The following LETM1 variants were observed in gnomAD, a reference collection of about 807,000 sequenced individuals.
LETM1 encodes leucine zipper and EF-hand containing transmembrane protein 1, also known as mitochondrial proton/calcium exchanger protein.
A neutral mutation model predicts 74.5 loss-of-function variants in LETM1; 50 were observed. That is an observed-to-expected ratio of 0.67 (90% CI 0.53 to 0.85). The LOEUF (loss-of-function observed/expected upper bound fraction) is 0.85, where lower values mean the gene tolerates loss of function less well. Ranked by LOEUF, LETM1 falls within the 40% of genes least tolerant of loss-of-function variation. The pLI, the probability that LETM1 is intolerant of heterozygous loss-of-function variation, is 0.00. For synonymous variants in LETM1, 446 were observed against 407.1 expected (o/e 1.10, Z -1.15); for missense variants, 824 against 967.8 (o/e 0.85, Z 1.97).
intron 2 of LETM1, among the ~76,000 whole-genome samples, chr4:1,845,392 G>T (rs998510075): frequency 2.0e-5 from 3 of 152,068 alleles, no homozygotes; most frequent in African/African-American, 7.2e-5. Flanking sequence ...GATCACCTGA[G>T]GTCAGGAGTT....
chr4:1,845,332 T>C (rs1712844199), intron 2 of LETM1, among the ~76,000 whole-genome samples: 1 of 150,516 alleles, frequency 6.6e-6, no homozygotes, highest in Admixed American at 6.6e-5. Flanking sequence ...ATCTGGTGAC[T>C]ACAAGGCTCA....
chr4:1,819,263 T>G (rs986435369), intron 11 of LETM1, 75 bp downstream of exon 11: 2 of 1,395,548 alleles, frequency 1.4e-6, no homozygotes, highest in South Asian at 2.7e-5. Flanking sequence ...GGAAGTATTA[T>G]GTATACTTTT....
intron 5 of LETM1, chr4:1,833,819 A>G (rs10019772): frequency 0.094 from 14,265 of 152,312 alleles, 2,080 homozygotes; most frequent in African/African-American, 0.31. Context: ...TCTGAGACAC[A>G]ATTTCAGGTG....
rs143969650 is a variant in LETM1 at position 1,822,261 on chromosome 4, C to T, written c.1528G>A (p.Glu510Lys). Residue 510 changes from glutamate to lysine, a missense_variant, in exon 10 of 14, where the codon GAG becomes AAG. Coordinates refer to ENST00000302787, the MANE Select transcript of LETM1 (RefSeq NM_012318.3). ...VVAAPQRPGT[E>K]PQPEMPDTVL... The stretch of plus-strand genomic sequence containing the variant: ...GTGTCAGGCATTTCTGGCTGTGGCT[C>T]GGTCCCCGGCCTTTGGGGAGCAGCT... The T allele has an allele frequency of 5.6e-5, 87 of 1,545,170 alleles. 1 individual carries two copies. Among genetic ancestry groups the T allele is most frequent in the South Asian group, 3.1e-4 (26 of 82,706 alleles).
intron 11 of LETM1, among the ~76,000 whole-genome samples, chr4:1,818,546 GA>G (rs1711658425): frequency 1.3e-5 from 2 of 151,938 alleles, no homozygotes; most frequent in African/African-American, 4.8e-5. Flanking sequence ...CCAGGAGGCG[GA>G]AGTTGCAGTG....
rs139818766 is a variant in LETM1, at chr4:1,820,178, C to T, written c.1609-706G>A. Among the ~76,000 whole-genome samples, 47 of 152,326 alleles carry T rather than the reference C, an allele frequency of 3.1e-4. No homozygotes were observed. In the East Asian group the frequency reaches 4.6e-3, roughly 15 times the overall value. ...CTCAAACTCCTGGACTCAGACGATCCTCCCACCTCGGCTTCCCACAGTGCT... is the reference window on the plus strand; with the variant it reads ...CTCAAACTCCTGGACTCAGACGATCTTCCCACCTCGGCTTCCCACAGTGCT... On this transcript the variant is annotated intron_variant, in intron 10 of 13. Transcript: ENST00000302787.
At chr4:1,829,907 C>T (rs776378646) in intron 6 of LETM1, among the ~76,000 whole-genome samples, 4 of 152,320 alleles carry the variant, frequency 2.6e-5, no homozygotes, top group East Asian at 1.9e-4. Flanking sequence ...CTCTCACTGC[C>T]TTAAAAACCC....
intron 11 of LETM1, 45 bp downstream of exon 11, chr4:1,819,293 T>C (rs976624112): frequency 1.1e-5 from 18 of 1,568,048 alleles, no homozygotes; most frequent in Middle Eastern, 4.6e-4. Context: ...ACAGCGATTT[T>C]ACTCTTCTTG....
At position 1,814,441 on chromosome 4, in the gene LETM1, C is replaced by T. The variant is rs762737209; in HGVS notation, c.2203G>A (p.Ala735Thr). The change falls in exon 14 of 14, where the codon GCA becomes ACA. Residue 735 changes from alanine to threonine, a missense_variant. By Grantham distance (58) the Ala-to-Thr change is moderately conservative. This residue lies in a region of LETM1 where 161 missense variants were observed against 252.7 expected (regional missense o/e 0.64). Transcript: ENST00000302787. ...CAGTGGTTCTAGCTCTTCACCTCTG[C>T]GACCTCCTTCTCTGCCTTCTCTTTG... ...KAKEKAEKEV[A>T]EVKS 6.2e-6 allele frequency: 10 copies of T among 1,614,216 alleles called. No homozygotes were observed. The highest frequency in any genetic ancestry group is 5.5e-5 in the South Asian group (5 of 91,082).
chr4:1,829,023 G>C (rs1177678503), intron 6 of LETM1, among the ~76,000 whole-genome samples: 2 of 107,534 alleles, frequency 1.9e-5, no homozygotes, highest in Non-Finnish European at 3.7e-5. Context: ...CGGACGGGGC[G>C]GCTGGCCGGG....
intron 7 of LETM1, 27 bp from the exon 8 acceptor site, chr4:1,823,802 T>A (rs779539992): frequency 2.8e-5 from 45 of 1,590,984 alleles, no homozygotes; most frequent in Non-Finnish European, 3.6e-5. Flanking sequence ...GTTCAGCAGA[T>A]GGGCAGCCCC....
At chr4:1,818,308 C>T (rs1362163075) in intron 11 of LETM1, among the ~76,000 whole-genome samples, 1 of 152,170 alleles carries the variant, frequency 6.6e-6, no homozygotes, top group African/African-American at 2.4e-5. Flanking sequence ...GCTATGAAAA[C>T]AGTTTTTAAA....
intron 6 of LETM1, among the ~76,000 whole-genome samples, chr4:1,827,567 T>C (rs1712041950): frequency 8.6e-6 from 1 of 116,608 alleles, no homozygotes; most frequent in African/African-American, 3.5e-5. Context: ...TAACCCTGAG[T>C]GGACACAGCA....
At chr4:1,826,890 T>C (rs1342016595) in intron 6 of LETM1, among the ~76,000 whole-genome samples, 1 of 152,228 alleles carries the variant, frequency 6.6e-6, no homozygotes, top group Non-Finnish European at 1.5e-5. Context: ...CGCAGCTCAC[T>C]GTAGTGCAGT....
chr4:1,826,733 G>C (rs753326720), intron 6 of LETM1, among the ~76,000 whole-genome samples: 1 of 152,264 alleles, frequency 6.6e-6, no homozygotes, highest in Admixed American at 6.5e-5. Flanking sequence ...TCCGCCAGTT[G>C]ATCAGGAATG....
rs746301139 is a variant in LETM1, at chr4:1,819,353, C to A, written c.1728G>T (p.Val576=). 3 of 1,612,504 alleles carry A rather than the reference C, an allele frequency of 1.9e-6. No individual in the cohort carries two copies. In the African/African-American group the frequency reaches 4.0e-5, roughly 22 times the overall value. The change falls in exon 11 of 14, where the codon GTG becomes GTT. Residue 576 remains valine, a synonymous_variant. Coordinates refer to ENST00000302787, the MANE Select transcript of LETM1 (RefSeq NM_012318.3). ...KEELELLKED[V]QDYSEDLQEI... is the part of the protein sequence containing the mutation. ...TCCCACCCACCTCGCTGTAGTCCTG[C>A]ACATCCTCCTTCAGCAGCTCCAGCT...
At position 1,834,705 on chromosome 4, in the gene LETM1, C is replaced by G; in HGVS notation, c.876+140G>C. 1 of 1,498,328 alleles carries G rather than the reference C, an allele frequency of 6.7e-7. No homozygotes were observed. The highest frequency in any genetic ancestry group is 8.9e-7 in the Non-Finnish European group (1 of 1,126,746). 92.8% of individuals were successfully genotyped at this position (1,498,328 alleles called of 1,614,324 possible). On this transcript the variant is annotated intron_variant, in intron 5 of 13. Transcript: ENST00000302787. This position sits in a 1 kb window ranked among gnomAD's most constrained non-coding sequence, Gnocchi z 5.0. ...AGACTCCTGACACTCCACTGGCCCC[C>G]GACTGAGCCTCCTGGGTAAACTTTC...
intron 4 of LETM1, among the ~76,000 whole-genome samples, 153 bp from the exon 5 acceptor site, chr4:1,835,135 T>C (rs1712419219): frequency 6.6e-6 from 1 of 152,200 alleles, no homozygotes; most frequent in African/African-American, 2.4e-5. Flanking sequence ...AACTCTTTTA[T>C]TTCATGGTTT....
intron 3 of LETM1, among the ~76,000 whole-genome samples, chr4:1,837,475 T>C (rs530478690): frequency 6.6e-6 from 1 of 152,292 alleles, no homozygotes; most frequent in South Asian, 2.1e-4. Flanking sequence ...ATTTTTTGAC[T>C]GATTTACAAT....
Sources: allele counts gnomAD v4.1 joint callset (sites outside exome capture counted in the v4.1 genomes callset), GRCh38; gene constraint gnomAD v4.1.1; regional missense constraint gnomAD v4.1.1; non-coding constraint Gnocchi (gnomAD v3.1); transcripts MANE v1.5; gene names NCBI Gene and HGNC (gene_info 2026-07-23, HGNC 2026-07-21).